The following LYRM9 variants were observed in gnomAD, a reference collection of about 807,000 sequenced individuals.
The protein encoded by LYRM9 is LYR motif containing 9, also known as LYR motif-containing protein 9.
In LYRM9, 14 loss-of-function variants were observed where a neutral mutation model predicts 12.6. The ratio of observed to expected loss-of-function variants is 1.11; its 90% CI spans 0.73 to 1.73. LYRM9 has a LOEUF of 1.73. Ranked by LOEUF, LYRM9 falls within the 40% of genes most tolerant of loss-of-function variation. The pLI is 0.00. For missense variants in LYRM9, 94 were observed against 95.0 expected, an observed-to-expected ratio of 0.99 and a Z score of 0.04; for synonymous variants, 42 against 35.1, an observed-to-expected ratio of 1.20 and a Z score of -0.69.
rs1164525347 is a variant in LYRM9, at chr17:27,880,291, C to G, written c.202G>C (p.Asp68His). The G allele has an allele frequency of 6.2e-7, 1 of 1,609,172 alleles. No homozygotes were observed. The highest frequency in any genetic ancestry group is 8.5e-7 in the Non-Finnish European group (1 of 1,177,658). ...GCACCTACTTTGTTCATGATCCAGT[C>G]AGCATCTTCAATGGCTCTTTTAATA... ...QIIKRAIEDA[D>H]WIMNKYKKQN Residue 68 changes from aspartate to histidine, a missense_variant, in exon 3 of 4, where the codon GAC becomes CAC. Asp to His is a moderately conservative substitution (Grantham distance 81). Coordinates refer to ENST00000379102, the MANE Select transcript of LYRM9 (RefSeq NM_001076680.3).
chr17:27,881,899 C>T (rs540795554), intron 2 of LYRM9, among the ~76,000 whole-genome samples: 5 of 152,182 alleles, frequency 3.3e-5, no homozygotes, highest in African/African-American at 7.2e-5. Context: ...CCTCGACCTC[C>T]GGGCTCAAGC....
intron 3 of LYRM9, chr17:27,879,759 A>T (rs1904976847): frequency 1.8e-6 from 1 of 542,852 alleles, no homozygotes; most frequent in Admixed American, 3.4e-5. Context: ...AAGGACAGGG[A>T]GGTATGGTCA....
In LYRM9 at chr17:27,883,835, T is replaced by TAAAAAAAAAAAAAA. The variant is rs781375467; in HGVS notation, c.-18-1137_-18-1124dup. 2.0e-4 allele frequency among the ~76,000 whole-genome samples: 5 copies of TAAAAAAAAAAAAAA among 24,572 alleles called. 1 individual carries two copies. The highest frequency in any genetic ancestry group is 5.0e-4 in the African/African-American group (4 of 8,062). The allele number at this position is 24,572 out of a possible 152,430, so 16.1% of individuals were successfully genotyped here. ...GCAGTCTGGCTCCAGAGCCTTTTTC[T>TAAAAAAAAAAAAAA]AAAAAAAAAAAAAAAAAAAAAAAAA... On this transcript the variant is annotated intron_variant, in intron 1 of 3. Coordinates refer to ENST00000379102, the MANE Select transcript of LYRM9 (RefSeq NM_001076680.3).
At chr17:27,883,775 C>T (rs1379911312) in intron 1 of LYRM9, among the ~76,000 whole-genome samples, 1 of 126,440 alleles carries the variant, frequency 7.9e-6, no homozygotes, top group Admixed American at 1.0e-4. Context: ...CAAGATCACA[C>T]AGCTAATAAA....
At chr17:27,881,581 A>C (rs1905059827) in intron 2 of LYRM9, among the ~76,000 whole-genome samples, 1 of 152,124 alleles carries the variant, frequency 6.6e-6, no homozygotes, top group African/African-American at 2.4e-5. Context: ...ACATTTTGCT[A>C]CACTCGCTTT....
rs1156346917 is a variant in LYRM9, at chr17:27,879,827, A to G, written c.220-337T>C. The G allele has an allele frequency of 1.1e-5, 6 of 555,576 alleles. No homozygotes were observed. In the Admixed American group the frequency reaches 1.7e-4, roughly 16 times the overall value. 34.4% of individuals were successfully genotyped at this position (555,576 alleles called of 1,614,324 possible). A position where few individuals can be genotyped will look rare whatever the true frequency, so the allele number is the denominator to read the frequency against. On this transcript the variant is annotated intron_variant, in intron 3 of 3. Transcript: ENST00000379102. ...CATCTAAGGGCCAAGACGCCAGTCT[A>G]CATTCCTGACTCACTCCCTTCCTCC...
At chr17:27,879,582 AC>A in intron 3 of LYRM9, 92 bp from the exon 4 acceptor site, 1 of 1,407,410 alleles carries the variant, frequency 7.1e-7, no homozygotes, top group Non-Finnish European at 9.7e-7. Flanking sequence ...TCTGGACCTC[AC>A]CTGCCTCCTG....
At position 27,893,244 on chromosome 17, in the gene LYRM9, G is replaced by A. The variant is rs1026068915; in HGVS notation, c.-19+73C>T. On this transcript the variant is annotated intron_variant, in intron 1 of 3. Transcript: ENST00000379102. ...GCCTCCACATCCCTAGCCCGCCCCC[G>A]CCACCCAGTGGCTCCGGCCGCCGCT... 7 of 152,844 alleles carry A rather than the reference G, an allele frequency of 4.6e-5. No homozygotes were observed. The South Asian group carries it at 1.3e-3, about 28-fold the overall frequency. The allele number at this position is 152,844 out of a possible 1,614,324, so 9.5% of individuals were successfully genotyped here.
chr17:27,884,852 C>T (rs2142588218), intron 1 of LYRM9, among the ~76,000 whole-genome samples: 2 of 151,210 alleles, frequency 1.3e-5, no homozygotes, highest in Middle Eastern at 3.4e-3. Context: ...ACCCTCCCCT[C>T]ACCTTGCAAA....
chr17:27,884,489 C>G (rs1443742950), intron 1 of LYRM9, among the ~76,000 whole-genome samples: 2 of 152,248 alleles, frequency 1.3e-5, no homozygotes, highest in Admixed American at 6.5e-5. Flanking sequence ...TGGACTCCTT[C>G]CCATCTTCTC....
intron 3 of LYRM9, chr17:27,879,921 C>T (rs1904986400): frequency 5.0e-6 from 3 of 595,268 alleles, no homozygotes; most frequent in Non-Finnish European, 6.0e-6. Flanking sequence ...GACAGGGAGT[C>T]CCCCGCCAGG....
At chr17:27,890,163 G>C (rs182528142) in intron 1 of LYRM9, among the ~76,000 whole-genome samples, 1 of 152,090 alleles carries the variant, frequency 6.6e-6, no homozygotes, top group African/African-American at 2.4e-5. Context: ...TATCTGCTTC[G>C]TGAATCTACC....
Position 27,886,912 on chromosome 17 carries a change from C to G in LYRM9, c.-18-4200G>C, listed in dbSNP as rs980791566. On this transcript the variant is annotated intron_variant, in intron 1 of 3. Coordinates refer to ENST00000379102, the MANE Select transcript of LYRM9 (RefSeq NM_001076680.3). This position sits in a 1 kb window ranked among gnomAD's most constrained non-coding sequence, Gnocchi z 4.8. ...CCACCCACCTTGGCCTCCCAAAGTG[C>G]TAGGATTACAGGCGTGAGCCACCAC... Among the ~76,000 whole-genome samples, 1 of 151,594 alleles carries G rather than the reference C, an allele frequency of 6.6e-6. No homozygotes were observed. The highest frequency in any genetic ancestry group is 2.4e-5 in the African/African-American group (1 of 41,218).
intron 1 of LYRM9, among the ~76,000 whole-genome samples, chr17:27,889,033 G>A (rs1005915495): frequency 2.0e-5 from 3 of 152,112 alleles, no homozygotes; most frequent in Admixed American, 6.5e-5. Context: ...TGTAAGCAGC[G>A]GGGAGGTGCT....
intron 3 of LYRM9, 58 bp downstream of exon 3, chr17:27,880,216 G>C: frequency 7.4e-7 from 1 of 1,359,918 alleles, no homozygotes; most frequent in South Asian, 1.2e-5. Flanking sequence ...AGTGGTCATG[G>C]GGATCACAGC....
In LYRM9 at chr17:27,880,636, T is replaced by C; in HGVS notation, c.127-270A>G. 1.4e-5 allele frequency: 7 copies of C among 506,200 alleles called. No homozygotes were observed. In the South Asian group the frequency reaches 1.7e-4, roughly 12 times the overall value. The allele number at this position is 506,200 out of a possible 1,614,324, so 31.4% of individuals were successfully genotyped here. A position where few individuals can be genotyped will look rare whatever the true frequency, so the allele number is the denominator to read the frequency against. ...GGTGCAAAAAGACTGGCCCCCAAGT[T>C]ACTGCCAAATCAAGCTAGGCCCAAA... On this transcript the variant is annotated intron_variant, in intron 2 of 3. Coordinates refer to ENST00000379102, the MANE Select transcript of LYRM9 (RefSeq NM_001076680.3).
intron 1 of LYRM9, chr17:27,892,588 G>A: frequency 2.9e-6 from 1 of 348,376 alleles, no homozygotes; most frequent in Non-Finnish European, 5.6e-6. Flanking sequence ...GAAACATCCA[G>A]AATAGGCAAA....
At chr17:27,887,418 C>T (rs1473777858) in intron 1 of LYRM9, among the ~76,000 whole-genome samples, 2 of 152,166 alleles carry the variant, frequency 1.3e-5, no homozygotes, top group Non-Finnish European at 2.9e-5. Context: ...AATGTGGACC[C>T]GGCAAAAATC....
chr17:27,891,089 T>C (rs1481430127), intron 1 of LYRM9, among the ~76,000 whole-genome samples: 1 of 151,778 alleles, frequency 6.6e-6, no homozygotes, highest in Non-Finnish European at 1.5e-5. Context: ...TCCAGCCCAA[T>C]CCACATGGTG....
Sources: gnomAD v4.1 joint callset for allele counts (sites outside exome capture counted in the v4.1 genomes callset) on GRCh38, gnomAD v4.1.1 for gene constraint, Gnocchi (gnomAD v3.1) non-coding constraint, MANE v1.5 for transcripts, NCBI Gene and HGNC (gene_info 2026-07-23, HGNC 2026-07-21) for gene names.